STAC2: variants seen among roughly 807,000 people sequenced by gnomAD.
STAC2 encodes the protein SH3 and cysteine rich domain 2, also known as SH3 and cysteine-rich domain-containing protein 2.
Under a neutral mutation model 49.0 loss-of-function variants are expected in STAC2, and 36 were observed. That is an observed-to-expected ratio of 0.74 (90% confidence interval 0.56 to 0.97). STAC2 has a LOEUF of 0.97. STAC2 is among the 50% of genes least tolerant of loss of function. The pLI is 0.00. For missense variants in STAC2, 527 were observed against 543.8 expected, an observed-to-expected ratio of 0.97 and a Z score of 0.31; for synonymous variants, 239 against 214.7, an observed-to-expected ratio of 1.11 and a Z score of -0.99.
Position 39,225,312 on chromosome 17 carries a change from C to T in STAC2, c.90+101G>A. The T allele has an allele frequency of 9.8e-7, 1 of 1,024,808 alleles. No homozygotes were observed. The highest frequency in any genetic ancestry group is 1.4e-6 in the Non-Finnish European group (1 of 736,820). 63.5% of individuals were successfully genotyped at this position (1,024,808 alleles called of 1,614,324 possible). On this transcript the variant is annotated intron_variant, in intron 1 of 10. Coordinates refer to ENST00000333461, the MANE Select transcript of STAC2 (RefSeq NM_198993.5). This position sits in a 1 kb window ranked among gnomAD's most constrained non-coding sequence, Gnocchi z 8.2. ...GGAGCCTCAGTGGTCACGCGGGCCT[C>T]GCGACCGCGACCCTAGGACGCCCGG...
rs774396548 is a variant in STAC2, at chr17:39,213,136, G to T, written c.994-4C>A. 48 of 1,605,894 alleles carry T rather than the reference G, an allele frequency of 3.0e-5. No homozygotes were observed. The highest frequency in any genetic ancestry group is 4.0e-5 in the Non-Finnish European group (47 of 1,179,942). Reference sequence around the variant, plus strand: ...CAACCCGGTCGCCGATCTTGCCCTGGGGATGAGGTTGGCAATGAACACCCG... The same window carrying T: ...CAACCCGGTCGCCGATCTTGCCCTGTGGATGAGGTTGGCAATGAACACCCG... On this transcript the variant is annotated splice_region_variant and splice_polypyrimidine_tract_variant and intron_variant, in intron 9 of 10. Coordinates refer to ENST00000333461, the MANE Select transcript of STAC2 (RefSeq NM_198993.5).
chr17:39,223,841 C>T (rs1013404907), intron 1 of STAC2, among the ~76,000 whole-genome samples: 6 of 152,168 alleles, frequency 3.9e-5, no homozygotes, highest in Non-Finnish European at 8.8e-5. Context: ...AGCTCCTAGA[C>T]CTTCTGCTTG....
chr17:39,222,117 C>T (rs2046468860), intron 1 of STAC2, among the ~76,000 whole-genome samples: 1 of 152,236 alleles, frequency 6.6e-6, no homozygotes, highest in Non-Finnish European at 1.5e-5. Context: ...CCCTCTCATA[C>T]ACTTCAGCCC....
intron 9 of STAC2, 142 bp downstream of exon 9, chr17:39,213,365 G>T: frequency 1.7e-6 from 2 of 1,208,928 alleles, no homozygotes; most frequent in African/African-American, 1.5e-5. Flanking sequence ...CCCAAGGGTT[G>T]GTCCTAGTTT....
intron 7 of STAC2, 38 bp from the exon 8 acceptor site, chr17:39,214,368 C>G (rs749290059): frequency 6.2e-7 from 1 of 1,612,322 alleles, no homozygotes; most frequent in South Asian, 1.1e-5. Flanking sequence ...CGGAAAGCAG[C>G]ACCCTCACTC....
chr17:39,220,674 G>A (rs1466838164), intron 1 of STAC2, among the ~76,000 whole-genome samples: 7 of 152,028 alleles, frequency 4.6e-5, no homozygotes, highest in Admixed American at 6.6e-5. Context: ...GGGTTTCACT[G>A]TGTTAGCCAT....
intron 4 of STAC2, 38 bp from the exon 5 acceptor site, chr17:39,215,268 A>G (rs2046392504): frequency 6.2e-7 from 1 of 1,603,688 alleles, no homozygotes; most frequent in East Asian, 2.2e-5. Context: ...GCTCTGCCTC[A>G]AAGCCCTGCA....
intron 1 of STAC2, 112 bp from the exon 2 acceptor site, chr17:39,218,285 G>GCAGCAGCAT (rs2046428662): frequency 8.9e-7 from 1 of 1,119,878 alleles, no homozygotes; most frequent in African/African-American, 1.5e-5. Context: ...AGCAGCAGCA[G>GCAGCAGCAT]CGTGGGGGCT....
intron 8 of STAC2, 114 bp from the exon 9 acceptor site, chr17:39,213,672 CTT>C (rs767714627): frequency 0.062 from 22,539 of 365,806 alleles, no homozygotes; most frequent in South Asian, 0.085. Context: ...AGAGACGATT[CTT>C]TTTTTTTTTT....
rs777874005 is a variant in STAC2, at chr17:39,217,064, G to A, written c.495+12C>T. The A allele has an allele frequency of 8.1e-6, 13 of 1,613,620 alleles. No individual in the cohort carries two copies. The highest frequency in any genetic ancestry group is 2.2e-5 in the South Asian group (2 of 91,074). On this transcript the variant is annotated intron_variant, in intron 3 of 10. Coordinates refer to ENST00000333461, the MANE Select transcript of STAC2 (RefSeq NM_198993.5). ...CACTCAGCTGGCCATCTCTGCCTGG[G>A]TCCCCGCTCACCGTCTTGCCTGGGC...
At chr17:39,220,882 C>T (rs1379173250) in intron 1 of STAC2, among the ~76,000 whole-genome samples, 4 of 151,940 alleles carry the variant, frequency 2.6e-5, no homozygotes, top group East Asian at 1.9e-4. Context: ...CTGCAAGCTC[C>T]GCCTCCCGGG....
At position 39,213,571 on chromosome 17, in the gene STAC2, G is replaced by A. The variant is rs1443061415; in HGVS notation, c.942-13C>T. The A allele has an allele frequency of 2.5e-6, 4 of 1,613,086 alleles. No individual in the cohort carries two copies. Among genetic ancestry groups the A allele is most frequent in the Non-Finnish European group, 3.4e-6 (4 of 1,179,434 alleles). On this transcript the variant is annotated splice_polypyrimidine_tract_variant and intron_variant, in intron 8 of 10. Transcript: ENST00000333461. ...CCGATCTCCAGGCCTGGGGAGGACA[G>A]AGCTAGGGTTGCATATGGAGCAGGG... is the stretch of plus-strand genomic sequence containing the variant.
chr17:39,214,746 C>G (rs368357019), intron 7 of STAC2, 45 bp downstream of exon 7: 4 of 1,602,648 alleles, frequency 2.5e-6, no homozygotes, highest in African/African-American at 1.3e-5. Context: ...AAATTACACC[C>G]GCTTCCCACC....
chr17:39,213,780 C>T (rs1271806918), intron 8 of STAC2, among the ~76,000 whole-genome samples: 2 of 151,574 alleles, frequency 1.3e-5, no homozygotes, highest in African/African-American at 4.9e-5. Context: ...GGGTTCAAGC[C>T]ATTCTCCTGC....
Position 39,225,640 on chromosome 17 carries a change from C to T in STAC2, c.-138G>A. On this transcript the variant is annotated 5_prime_UTR_variant, in exon 1 of 11. Transcript: ENST00000333461. The surrounding 1 kb of genome is among the most constrained non-coding windows in gnomAD (Gnocchi z 8.2). Reference sequence around the variant, plus strand: ...CCCAGTTAGCCCCCGGCACGGCAGCCCCCAACCCGCGGGAGCGGGCAGAGA... The same window carrying T: ...CCCAGTTAGCCCCCGGCACGGCAGCTCCCAACCCGCGGGAGCGGGCAGAGA... 2 of 830,124 alleles carry T rather than the reference C, an allele frequency of 2.4e-6. No individual in the cohort carries two copies. Among genetic ancestry groups the T allele is most frequent in the Non-Finnish European group, 3.9e-6 (2 of 518,426 alleles). The allele number at this position is 830,124 out of a possible 1,614,324, so 51.4% of individuals were successfully genotyped here.
chr17:39,213,432 G>C (rs2046372156), intron 9 of STAC2, 75 bp downstream of exon 9: 1 of 1,564,344 alleles, frequency 6.4e-7, no homozygotes, highest in East Asian at 2.3e-5. Flanking sequence ...GAGAAGGTGG[G>C]GGCAGTGCCC....
Position 39,225,363 on chromosome 17 carries a change from G to A in STAC2, c.90+50C>T. 1 of 1,512,810 alleles carries A rather than the reference G, an allele frequency of 6.6e-7. No individual in the cohort carries two copies. Among genetic ancestry groups the A allele is most frequent in the Non-Finnish European group, 8.9e-7 (1 of 1,126,526 alleles). 93.7% of individuals were successfully genotyped at this position (1,512,810 alleles called of 1,614,324 possible). A position where few individuals can be genotyped will look rare whatever the true frequency, so the allele number is the denominator to read the frequency against. On this transcript the variant is annotated intron_variant, in intron 1 of 10. Transcript: ENST00000333461. The surrounding 1 kb of genome is among the most constrained non-coding windows in gnomAD (Gnocchi z 8.2). ...GCCCACAGGAGGACCCCGCCGGGAA[G>A]AGGGCGCCCGGGCCCGGGGCGCGGA... is the stretch of plus-strand genomic sequence containing the variant.
intron 7 of STAC2, chr17:39,214,550 C>G: frequency 1.2e-6 from 1 of 822,674 alleles, no homozygotes; most frequent in Non-Finnish European, 1.5e-6. Flanking sequence ...CTGCTGTACC[C>G]TGGGGCTGCC....
intron 8 of STAC2, 41 bp from the exon 9 acceptor site, chr17:39,213,599 T>G: frequency 6.2e-7 from 1 of 1,607,130 alleles, no homozygotes; most frequent in Non-Finnish European, 8.5e-7. Flanking sequence ...GAGCAGGGAG[T>G]AGTGCCCCTC....
Sources: allele counts gnomAD v4.1 joint callset (sites outside exome capture counted in the v4.1 genomes callset), GRCh38; gene constraint gnomAD v4.1.1; non-coding constraint Gnocchi (gnomAD v3.1); transcripts MANE v1.5; gene names NCBI Gene and HGNC (gene_info 2026-07-23, HGNC 2026-07-21).